Variants in CLCC1 observed in about 807,000 individuals in gnomAD.
CLCC1 encodes the protein chloride channel CLIC-like protein 1.
In CLCC1, 39 loss-of-function variants were observed where a neutral mutation model predicts 63.3. The ratio of observed to expected loss-of-function variants is 0.62; its 90% CI spans 0.48 to 0.81. CLCC1 has a LOEUF of 0.81. Ranked by LOEUF, CLCC1 falls within the 30% of genes least tolerant of loss-of-function variation. The pLI is 0.00. For synonymous variants in CLCC1, 217 were observed against 239.8 expected, an observed-to-expected ratio of 0.90 and a Z score of 0.88; for missense variants, 549 against 669.4, an observed-to-expected ratio of 0.82 and a Z score of 1.98.
chr1:108,934,419 TTAAAA>T (rs1358162169), intron 12 of CLCC1: 18 of 473,224 alleles, frequency 3.8e-5, no homozygotes, highest in African/African-American at 2.9e-4. Flanking sequence ...TCTGTTCATC[TTAAAA>T]TAAACACTTC....
At chr1:108,949,188 A>C (rs1314818742) in intron 4 of CLCC1, among the ~76,000 whole-genome samples, 1 of 152,102 alleles carries the variant, frequency 6.6e-6, no homozygotes, top group African/African-American at 2.4e-5. Context: ...GCCTCCACTG[A>C]TCTCACTGAC....
intron 2 of CLCC1, among the ~76,000 whole-genome samples, chr1:108,960,003 T>C (rs1656414548): frequency 6.6e-6 from 1 of 152,034 alleles, no homozygotes; most frequent in Admixed American, 6.6e-5. Flanking sequence ...TGTGGTGGCA[T>C]ACGTCTATAT....
rs538822323 is a variant in CLCC1 at position 108,934,496 on chromosome 1, G to A, written c.*45+129C>T. ...AATGAAAAGCTTTTACATATATAAC[G>A]TGTTTGTTAATTCTAATTGTCAGTA... On this transcript the variant is annotated intron_variant, in intron 12 of 12. Coordinates refer to ENST00000369969, the MANE Select transcript of CLCC1 (RefSeq NM_001377458.1). The A allele has an allele frequency of 2.1e-4, 139 of 664,576 alleles. 1 individual carries two copies. The highest frequency in any genetic ancestry group is 4.2e-4 in the Middle Eastern group (1 of 2,376). The allele number at this position is 664,576 out of a possible 1,614,324, so 41.2% of individuals were successfully genotyped here. A position where few individuals can be genotyped will look rare whatever the true frequency, so the allele number is the denominator to read the frequency against.
intron 2 of CLCC1, among the ~76,000 whole-genome samples, chr1:108,956,882 A>T (rs486288): frequency 0.015 from 1,593 of 104,018 alleles, 25 homozygotes; most frequent in East Asian, 0.028. Context: ...GCTGGGAGGC[A>T]GGGAGGCGGG....
At chr1:108,939,452 G>A (rs763089153) in intron 10 of CLCC1, among the ~76,000 whole-genome samples, 184 bp downstream of exon 10, 44 of 151,044 alleles carry the variant, frequency 2.9e-4, no homozygotes, top group South Asian at 8.3e-4. Context: ...GACTACAGGC[G>A]CCCGCCACCA....
chr1:108,934,651 C>A lies in CLCC1; in HGVS notation c.*19G>T. On this transcript the variant is annotated 3_prime_UTR_variant, in exon 12 of 13. Transcript: ENST00000369969. The stretch of plus-strand genomic sequence containing the variant: ...AAGCTCGAAGGAGACTTGAGGCTGT[C>A]GTTTGTGCTGGTGTTCCTCTAGCCA... 1 of 1,606,240 alleles carries A rather than the reference C, an allele frequency of 6.2e-7. No individual in the cohort carries two copies. Among genetic ancestry groups the A allele is most frequent in the Non-Finnish European group, 8.5e-7 (1 of 1,175,528 alleles).
At position 108,950,317 on chromosome 1, in the gene CLCC1, T is replaced by A; in HGVS notation, c.121A>T (p.Lys41Ter). Residue 41 changes from lysine (K) to a stop codon, truncating the protein, a stop_gained, in exon 3 of 13, where the codon AAA becomes TAA. Coordinates refer to ENST00000369969, the MANE Select transcript of CLCC1 (RefSeq NM_001377458.1). LOFTEE classifies it high-confidence loss of function. The stretch of plus-strand genomic sequence containing the variant: ...CGAATTTTTTTTAATACCTGAGATT[T>A]TCTCATTGTTCCTGAAGCAGCATCA... ...NYDAASGTMRKSQAKYGISGE... is the reference protein window; with the variant it reads ...NYDAASGTMR 1 of 1,611,994 alleles carries A rather than the reference T, an allele frequency of 6.2e-7. No homozygotes were observed. The highest frequency in any genetic ancestry group is 8.5e-7 in the Non-Finnish European group (1 of 1,178,942).
chr1:108,954,303 T>C (rs1655584377), intron 2 of CLCC1, among the ~76,000 whole-genome samples: 2 of 148,258 alleles, frequency 1.3e-5, no homozygotes, highest in South Asian at 4.2e-4. Flanking sequence ...CTGGCTAACA[T>C]GGTGAAACCC....
chr1:108,953,250 C>T (rs1241743929), intron 2 of CLCC1, among the ~76,000 whole-genome samples: 1 of 152,200 alleles, frequency 6.6e-6, no homozygotes, highest in Non-Finnish European at 1.5e-5. Context: ...ACTCCTGTTC[C>T]CCATGTGCCC....
intron 2 of CLCC1, among the ~76,000 whole-genome samples, chr1:108,953,776 C>T (rs1286853593): frequency 6.6e-6 from 1 of 152,134 alleles, no homozygotes; most frequent in Non-Finnish European, 1.5e-5. Flanking sequence ...TTCGGGAGGC[C>T]GAGGCGGGCA....
At chr1:108,959,010 CA>C (rs1194573027) in intron 2 of CLCC1, among the ~76,000 whole-genome samples, 14 of 145,468 alleles carry the variant, frequency 9.6e-5, no homozygotes, top group African/African-American at 1.7e-4. Context: ...CCCATCTCTA[CA>C]AAAAAATACA....
chr1:108,956,691 G>A (rs907514859), intron 2 of CLCC1, among the ~76,000 whole-genome samples: 6 of 150,636 alleles, frequency 4.0e-5, no homozygotes, highest in Admixed American at 2.0e-4. Context: ...ACTTTAGAGT[G>A]GTTTGTTACA....
intron 8 of CLCC1, among the ~76,000 whole-genome samples, chr1:108,940,552 TG>T (rs960912023): frequency 6.6e-6 from 1 of 152,070 alleles, no homozygotes; most frequent in Non-Finnish European, 1.5e-5. Context: ...TGGAGGAAAA[TG>T]GGGAAAGGGT....
chr1:108,944,081 A>G (rs755683053), intron 5 of CLCC1, 24 bp from the exon 6 acceptor site: 1 of 1,507,798 alleles, frequency 6.6e-7, no homozygotes, highest in Non-Finnish European at 9.0e-7. Context: ...ACCAAAAAAC[A>G]AACAATAGAA....
Position 108,930,048 on chromosome 1 carries a change from T to C in CLCC1, c.*2499A>G. 1 of 1,016,222 alleles carries C rather than the reference T, an allele frequency of 9.8e-7. No individual in the cohort carries two copies. Among genetic ancestry groups the C allele is most frequent in the Non-Finnish European group, 1.5e-6 (1 of 677,866 alleles). The allele number at this position is 1,016,222 out of a possible 1,614,324, so 63.0% of individuals were successfully genotyped here. On this transcript the variant is annotated 3_prime_UTR_variant, in exon 13 of 13. Coordinates refer to ENST00000369969, the MANE Select transcript of CLCC1 (RefSeq NM_001377458.1). The stretch of plus-strand genomic sequence containing the variant: ...CACTGTAATACAGCTTAAAATATTT[T>C]TAGAATGATGTAAATAGTTAACCTT...
At chr1:108,941,145 A>C (rs839549) in intron 8 of CLCC1, among the ~76,000 whole-genome samples, 49,359 of 152,052 alleles carry the variant, frequency 0.32, 8,193 homozygotes, top group East Asian at 0.41. Context: ...AAAAGCGAGC[A>C]TAGGATCCTT....
intron 2 of CLCC1, among the ~76,000 whole-genome samples, chr1:108,952,405 C>T (rs540373151): frequency 7.3e-4 from 111 of 151,126 alleles, no homozygotes; most frequent in Non-Finnish European, 1.3e-3. Flanking sequence ...CTCGAACTCC[C>T]GACCTCCACC....
intron 4 of CLCC1, among the ~76,000 whole-genome samples, chr1:108,949,478 C>A (rs1370611667): frequency 6.6e-6 from 1 of 152,174 alleles, no homozygotes; most frequent in Non-Finnish European, 1.5e-5. Context: ...TCATTTGCTA[C>A]ATTTGTTGAG....
chr1:108,938,607 CACTGA>C (rs1227209186), intron 10 of CLCC1, among the ~76,000 whole-genome samples: 1 of 152,150 alleles, frequency 6.6e-6, no homozygotes, highest in East Asian at 1.9e-4. Flanking sequence ...TAACAAAAAA[CACTGA>C]ATAGACCATG....
Sources: gnomAD v4.1 joint callset for allele counts (sites outside exome capture counted in the v4.1 genomes callset) on GRCh38, gnomAD v4.1.1 for gene constraint, MANE v1.5 for transcripts, NCBI Gene and HGNC (gene_info 2026-07-23, HGNC 2026-07-21) for gene names.